The following AGBL4 variants were observed in gnomAD, a reference collection of about 807,000 sequenced individuals.
AGBL4 encodes cytosolic carboxypeptidase 6.
Under a neutral mutation model 66.4 loss-of-function variants are expected in AGBL4, and 58 were observed. The observed-to-expected ratio is 0.87, with a 90% CI of 0.71 to 1.09. The LOEUF is 1.09. AGBL4 is among the 50% of genes least tolerant of loss of function. The pLI, the probability that AGBL4 is intolerant of heterozygous loss-of-function variation, is 0.00. For missense variants in AGBL4, 579 were observed against 631.0 expected, an observed-to-expected ratio of 0.92 and a Z score of 0.88; for synonymous variants, 234 against 222.9, an observed-to-expected ratio of 1.05 and a Z score of -0.44.
chr1:49,249,222 A>G lies in AGBL4; in HGVS notation c.283-3358T>C, dbSNP rs184950402. Reference sequence around the variant, plus strand: ...CACGTTAGTTGCAGGGACTATTCTAATGGGATTATAACAAGCTAAAAAAGC... The same window carrying G: ...CACGTTAGTTGCAGGGACTATTCTAGTGGGATTATAACAAGCTAAAAAAGC... On this transcript the variant is annotated intron_variant, in intron 3 of 13. Coordinates refer to ENST00000371839, the MANE Select transcript of AGBL4 (RefSeq NM_032785.4). Among the ~76,000 whole-genome samples, 113 of 152,334 alleles carry G rather than the reference A, an allele frequency of 7.4e-4. 1 individual carries two copies. The highest frequency in any genetic ancestry group is 2.6e-3 in the African/African-American group (109 of 41,576).
chr1:49,513,855 G>A (rs552375647), intron 3 of AGBL4, among the ~76,000 whole-genome samples: 1 of 151,956 alleles, frequency 6.6e-6, no homozygotes, highest in African/African-American at 2.4e-5. Flanking sequence ...ACCAGTTGCT[G>A]TTTGCCAGAC....
chr1:50,008,983 A>C (rs577308342), intron 1 of AGBL4, among the ~76,000 whole-genome samples: 209 of 152,328 alleles, frequency 1.4e-3, no homozygotes, highest in South Asian at 3.1e-3. Context: ...GACCAATAAC[A>C]AGTAATGAGG....
intron 3 of AGBL4, among the ~76,000 whole-genome samples, chr1:49,249,930 A>G (rs1220194292): frequency 6.6e-6 from 1 of 152,226 alleles, no homozygotes; most frequent in Non-Finnish European, 1.5e-5. Context: ...GCAGCAATGG[A>G]ATGAAACTGG....
intron 6 of AGBL4, among the ~76,000 whole-genome samples, chr1:48,859,385 C>T (rs1647295922): frequency 6.6e-6 from 1 of 152,208 alleles, no homozygotes; most frequent in Non-Finnish European, 1.5e-5. Flanking sequence ...TTATTTTCCA[C>T]ACTGGTTCCA....
intron 2 of AGBL4, among the ~76,000 whole-genome samples, chr1:49,738,997 C>T (rs536457156): frequency 1.8e-4 from 28 of 152,142 alleles, no homozygotes; most frequent in Non-Finnish European, 3.8e-4. Context: ...AATCAGAGCG[C>T]CTCTCCTCCT....
intron 3 of AGBL4, among the ~76,000 whole-genome samples, chr1:49,434,732 G>C (rs962610723): frequency 6.6e-6 from 1 of 151,316 alleles, no homozygotes; most frequent in Non-Finnish European, 1.5e-5. Context: ...GGTGGTGGTG[G>C]TGTGTGTGTG....
intron 9 of AGBL4, among the ~76,000 whole-genome samples, chr1:48,610,485 G>C (rs987934442): frequency 6.6e-6 from 1 of 152,064 alleles, no homozygotes; most frequent in Non-Finnish European, 1.5e-5. Context: ...ATGAAGAAAT[G>C]GATGACTGAA....
At chr1:49,347,837 C>A (rs1032394620) in intron 3 of AGBL4, among the ~76,000 whole-genome samples, 1 of 151,616 alleles carries the variant, frequency 6.6e-6, no homozygotes, top group Non-Finnish European at 1.5e-5. Flanking sequence ...TCCAGCCTGG[C>A]GACAGAGTGA....
chr1:49,041,136 CTA>C (rs1426569327), intron 5 of AGBL4, among the ~76,000 whole-genome samples: 1 of 152,042 alleles, frequency 6.6e-6, no homozygotes, highest in African/African-American at 2.4e-5. Flanking sequence ...ATTGATAGTT[CTA>C]GCACTAAAAA....
At chr1:49,436,397 G>C (rs1645903975) in intron 3 of AGBL4, among the ~76,000 whole-genome samples, 1 of 152,080 alleles carries the variant, frequency 6.6e-6, no homozygotes, top group Admixed American at 6.6e-5. Context: ...ACTCTCAAAA[G>C]CAATAATAGA....
intron 4 of AGBL4, among the ~76,000 whole-genome samples, chr1:49,061,882 C>A (rs1158400444): frequency 1.3e-5 from 2 of 152,140 alleles, no homozygotes; most frequent in Non-Finnish European, 2.9e-5. Flanking sequence ...TATCAAACCA[C>A]AGGAGCCTAC....
chr1:49,127,479 G>T, intron 4 of AGBL4, among the ~76,000 whole-genome samples: 1 of 152,092 alleles, frequency 6.6e-6, no homozygotes, highest in East Asian at 1.9e-4. Flanking sequence ...GGGGTCTGGA[G>T]ATTCTGAGGT....
intron 1 of AGBL4, among the ~76,000 whole-genome samples, chr1:49,965,406 T>A (rs1394886589): frequency 6.6e-6 from 1 of 152,144 alleles, no homozygotes; most frequent in Middle Eastern, 3.2e-3. Flanking sequence ...AAGCATCACA[T>A]CCATCTTATC....
intron 3 of AGBL4, among the ~76,000 whole-genome samples, chr1:49,537,493 A>C (rs567721990): frequency 3.9e-5 from 6 of 152,356 alleles, no homozygotes; most frequent in African/African-American, 1.2e-4. Context: ...AAGGGACACG[A>C]ATATTTTATG....
chr1:49,563,639 T>G (rs1644112734), intron 3 of AGBL4, among the ~76,000 whole-genome samples: 1 of 152,192 alleles, frequency 6.6e-6, no homozygotes, highest in East Asian at 1.9e-4. Flanking sequence ...TGAACCAGCC[T>G]TGCATCCCAG....
chr1:50,012,424 C>T (rs1028602932), intron 1 of AGBL4, among the ~76,000 whole-genome samples: 2 of 152,084 alleles, frequency 1.3e-5, no homozygotes, highest in African/African-American at 4.8e-5. Context: ...GCTTGTTTCA[C>T]ATTGCATGCG....
intron 3 of AGBL4, among the ~76,000 whole-genome samples, chr1:49,307,106 G>T (rs1485187553): frequency 6.6e-6 from 1 of 152,156 alleles, no homozygotes; most frequent in Admixed American, 6.6e-5. Flanking sequence ...TATCTGGAAA[G>T]TGAATTTCCT....
At chr1:49,708,458 C>A (rs1266382003) in intron 2 of AGBL4, among the ~76,000 whole-genome samples, 1 of 151,984 alleles carries the variant, frequency 6.6e-6, no homozygotes, top group East Asian at 1.9e-4. Context: ...CTCCTGTAAC[C>A]TTTTATCAAG....
intron 5 of AGBL4, among the ~76,000 whole-genome samples, chr1:48,867,797 T>A (rs554949403): frequency 1.3e-5 from 2 of 152,210 alleles, no homozygotes; most frequent in South Asian, 4.1e-4. Context: ...TCTAACTGAA[T>A]CCTTATCCTT....
Sources: allele counts gnomAD v4.1 joint callset (sites outside exome capture counted in the v4.1 genomes callset), GRCh38; gene constraint gnomAD v4.1.1; transcripts MANE v1.5; gene names NCBI Gene and HGNC (gene_info 2026-07-23, HGNC 2026-07-21).